RABEP1: variants seen among roughly 807,000 people sequenced by gnomAD.
RABEP1 encodes rab GTPase-binding effector protein 1.
Under a neutral mutation model 123.4 loss-of-function variants are expected in RABEP1, and 51 were observed. The observed-to-expected ratio is 0.41, with a 90% CI of 0.33 to 0.52. RABEP1 has a LOEUF of 0.52. Ranked by LOEUF, RABEP1 falls within the 20% of genes least tolerant of loss-of-function variation. The pLI is 0.16. For missense variants in RABEP1, 888 were observed against 996.3 expected, an observed-to-expected ratio of 0.89 and a Z score of 1.46; for synonymous variants, 347 against 355.2, an observed-to-expected ratio of 0.98 and a Z score of 0.26.
intron 2 of RABEP1, among the ~76,000 whole-genome samples, chr17:5,315,694 T>C (rs2144546506): frequency 6.6e-6 from 1 of 152,014 alleles, no homozygotes; most frequent in East Asian, 1.9e-4. Flanking sequence ...CTACTAAAAA[T>C]ACAAAAAACT....
intron 4 of RABEP1, among the ~76,000 whole-genome samples, 159 bp from the exon 5 acceptor site, chr17:5,337,860 C>T (rs1907238238): frequency 6.6e-6 from 1 of 152,114 alleles, no homozygotes; most frequent in African/African-American, 2.4e-5. Context: ...CAAAGTAATG[C>T]ACTATTTGAA....
At chr17:5,329,867 G>A (rs1187549451) in intron 2 of RABEP1, among the ~76,000 whole-genome samples, 1 of 147,616 alleles carries the variant, frequency 6.8e-6, no homozygotes, top group Non-Finnish European at 1.5e-5. Context: ...TGTTGACCAA[G>A]TCTTCCTCCA....
intron 1 of RABEP1, among the ~76,000 whole-genome samples, chr17:5,295,544 TAAATA>T (rs148132952): frequency 0.13 from 20,518 of 152,060 alleles, 1,415 homozygotes; most frequent in East Asian, 0.17. Flanking sequence ...CATGTGTCTC[TAAATA>T]TTTAGCCAAA....
At position 5,383,136 on chromosome 17, in the gene RABEP1, G is replaced by T. The variant is rs201548868; in HGVS notation, c.2502G>T (p.Arg834=). 1,984 of 1,614,112 alleles carry T rather than the reference G, an allele frequency of 1.2e-3. 4 individuals carry two copies. The highest frequency in any genetic ancestry group is 1.5e-3 in the Non-Finnish European group (1,811 of 1,180,002). ...TGTTTCTCCAGGTGCAGTTAGAGCG[G>T]ATCCGGCAAGCTGACTCCTTGGAGA... The part of the protein sequence containing the change: ...LSQTLQVQLE[R]IRQADSLERI... The change falls in exon 18 of 18, where the codon CGG becomes CGT. Residue 834 remains arginine, a synonymous_variant. Transcript: ENST00000537505.
At chr17:5,295,247 C>G (rs964558255) in intron 1 of RABEP1, among the ~76,000 whole-genome samples, 1 of 151,604 alleles carries the variant, frequency 6.6e-6, no homozygotes, top group African/African-American at 2.4e-5. Context: ...ATTAGCCAGG[C>G]GTGGTGGTGC....
intron 4 of RABEP1, among the ~76,000 whole-genome samples, chr17:5,337,109 T>C (rs1461179475): frequency 1.3e-5 from 2 of 152,234 alleles, no homozygotes; most frequent in Non-Finnish European, 2.9e-5. Flanking sequence ...TACTAGTTTA[T>C]GTAAGTTGGT....
chr17:5,326,160 C>T (rs56960906), intron 2 of RABEP1, among the ~76,000 whole-genome samples: 21,826 of 152,166 alleles, frequency 0.14, 2,291 homozygotes, highest in East Asian at 0.49. Flanking sequence ...AATTAAATGA[C>T]TTGAGAAGCT....
intron 2 of RABEP1, among the ~76,000 whole-genome samples, chr17:5,318,397 T>TA (rs1338812077): frequency 6.6e-6 from 1 of 152,058 alleles, no homozygotes; most frequent in African/African-American, 2.4e-5. Flanking sequence ...ATGAAGTTGT[T>TA]ACAAAAAAGT....
intron 1 of RABEP1, among the ~76,000 whole-genome samples, chr17:5,302,243 C>CT (rs1567869348): frequency 4.6e-5 from 1 of 21,568 alleles, no homozygotes; most frequent in Non-Finnish European, 7.0e-5. Context: ...TTACTGAAAA[C>CT]ATTTTTTTTT....
chr17:5,337,953 G>T, intron 4 of RABEP1, 66 bp from the exon 5 acceptor site: 7 of 1,484,142 alleles, frequency 4.7e-6, no homozygotes, highest in Non-Finnish European at 6.3e-6. Context: ...GCAAATGGAA[G>T]GGTTAGAGTT....
intron 1 of RABEP1, among the ~76,000 whole-genome samples, chr17:5,296,612 T>G (rs1275163790): frequency 6.6e-6 from 1 of 152,154 alleles, no homozygotes; most frequent in Non-Finnish European, 1.5e-5. Flanking sequence ...AACATTTCAT[T>G]TTTTTCTATG....
chr17:5,292,127 A>G (rs576425585), intron 1 of RABEP1, among the ~76,000 whole-genome samples: 1 of 152,166 alleles, frequency 6.6e-6, no homozygotes, highest in East Asian at 1.9e-4. Context: ...TCTAGTTTAC[A>G]TTTCTTCTTC....
chr17:5,370,000 CCTT>C (rs1910400512), intron 12 of RABEP1, among the ~76,000 whole-genome samples: 1 of 152,136 alleles, frequency 6.6e-6, no homozygotes, highest in African/African-American at 2.4e-5. Context: ...TGCCCGGCCT[CCTT>C]CTTGTCTCTT....
chr17:5,358,346 T>C (rs894217367), intron 8 of RABEP1, among the ~76,000 whole-genome samples: 38 of 152,194 alleles, frequency 2.5e-4, no homozygotes, highest in African/African-American at 9.2e-4. Context: ...TGATTTTATT[T>C]TATTTTATTT....
At chr17:5,334,807 C>T (rs536188525) in intron 3 of RABEP1, among the ~76,000 whole-genome samples, 36 of 152,030 alleles carry the variant, frequency 2.4e-4, no homozygotes, top group Non-Finnish European at 3.5e-4. Flanking sequence ...GGGATTGGGG[C>T]GACATGTTAT....
At position 5,386,140 on chromosome 17, in the gene RABEP1, GTT is replaced by G; in HGVS notation, c.*2920_*2921del. On this transcript the variant is annotated 3_prime_UTR_variant, in exon 18 of 18. Transcript: ENST00000537505. ...TTTTATAAATTAGATAATTCTACCT[GTT>G]TTACAATATGGGTTTAAGCCTTCAA... is the stretch of plus-strand genomic sequence containing the variant. The G allele has an allele frequency of 8.2e-7, 1 of 1,216,768 alleles. No homozygotes were observed. Among genetic ancestry groups the G allele is most frequent in the Non-Finnish European group, 1.2e-6 (1 of 852,648 alleles). 75.4% of individuals were successfully genotyped at this position (1,216,768 alleles called of 1,614,324 possible). A position where few individuals can be genotyped will look rare whatever the true frequency, so the allele number is the denominator to read the frequency against.
At position 5,324,218 on chromosome 17, in the gene RABEP1, G is replaced by A. The variant is rs1905738083; in HGVS notation, c.164-7731G>A. Among the ~76,000 whole-genome samples, 3 of 152,034 alleles carry A rather than the reference G, an allele frequency of 2.0e-5. No homozygotes were observed. The South Asian group carries it at 6.2e-4, about 32-fold the overall frequency. On this transcript the variant is annotated intron_variant, in intron 2 of 17. Coordinates refer to ENST00000537505, the MANE Select transcript of RABEP1 (RefSeq NM_004703.6). Reference sequence around the variant, plus strand: ...AAGCTATAGTAACCCAATCAGCATGGCACTGGCATAAAAACTGACACGTAG... The same window carrying A: ...AAGCTATAGTAACCCAATCAGCATGACACTGGCATAAAAACTGACACGTAG...
At chr17:5,328,704 G>A (rs1042134381) in intron 2 of RABEP1, among the ~76,000 whole-genome samples, 4 of 138,234 alleles carry the variant, frequency 2.9e-5, no homozygotes. Context: ...TGTAATCCCA[G>A]CACTTTGGGA....
At chr17:5,326,708 AG>A (rs1906004655) in intron 2 of RABEP1, among the ~76,000 whole-genome samples, 1 of 152,146 alleles carries the variant, frequency 6.6e-6, no homozygotes, top group Non-Finnish European at 1.5e-5. Flanking sequence ...GGGTGCCTGT[AG>A]TAGAGGAGTG....
Sources: allele counts gnomAD v4.1 joint callset (sites outside exome capture counted in the v4.1 genomes callset), GRCh38; gene constraint gnomAD v4.1.1; transcripts MANE v1.5; gene names NCBI Gene and HGNC (gene_info 2026-07-23, HGNC 2026-07-21).